The following HECTD4 variants were observed in gnomAD, a reference collection of about 807,000 sequenced individuals.
The protein encoded by HECTD4 is HECT domain E3 ubiquitin protein ligase 4.
HECTD4 carries 114 observed loss-of-function variants against 471.5 expected under a neutral mutation model. The observed-to-expected ratio is 0.24, with a 90% confidence interval of 0.21 to 0.28. The LOEUF is 0.28. Among genes scored for constraint, HECTD4 ranks in the 10% least tolerant of loss-of-function variants. HECTD4 has a pLI of 1.00. For missense variants in HECTD4, 3,866 were observed against 5,651.5 expected (o/e 0.68, Z 10.13); for synonymous variants, 2,012 against 2,256.0 (o/e 0.89, Z 3.07).
chr12:112,243,738 C>A lies in HECTD4; in HGVS notation c.4673G>T (p.Arg1558Leu). The change falls in exon 31 of 76, where the codon CGC becomes CTC. Residue 1558 changes from arginine (R) to leucine (L), a missense_variant. Around this residue, in one of 16 missense-constraint regions of HECTD4, gnomAD observed 229 missense variants for 386.4 expected, o/e 0.59. Coordinates refer to ENST00000682272, the MANE Select transcript of HECTD4 (RefSeq NM_001388303.1). The surrounding 1 kb of genome is among the most constrained non-coding windows in gnomAD (Gnocchi z 6.6). ...NQRRRHVTSH[R>L]SSSFTLLQSL... ...CTGCAGGAGTGTAAAGGAGCTGCTG[C>A]GGTGGCTGGTCACGTGGCGACGCCT... The A allele has an allele frequency of 1.2e-6, 2 of 1,613,570 alleles. No individual in the cohort carries two copies. The highest frequency in any genetic ancestry group is 1.7e-6 in the Non-Finnish European group (2 of 1,179,620).
intron 38 of HECTD4, 123 bp downstream of exon 38, chr12:112,232,881 C>T: frequency 1.3e-6 from 1 of 786,948 alleles, no homozygotes; most frequent in Non-Finnish European, 2.1e-6. Context: ...ACTTCAATTT[C>T]TCACCTTGCC....
In HECTD4 at chr12:112,243,604, G is replaced by A. The variant is rs777670915; in HGVS notation, c.4791+16C>T. The A allele has an allele frequency of 1.6e-5, 26 of 1,605,536 alleles. No homozygotes were observed. Among genetic ancestry groups the A allele is most frequent in the Middle Eastern group, 1.7e-4 (1 of 6,042 alleles). ...GTTAGGTGCTATTCATCTGGAGCCC[G>A]CAAAATGTGACGTACAGCTTGGTCA... On this transcript the variant is annotated intron_variant, in intron 31 of 75. Coordinates refer to ENST00000682272, the MANE Select transcript of HECTD4 (RefSeq NM_001388303.1). The surrounding 1 kb of genome is among the most constrained non-coding windows in gnomAD (Gnocchi z 6.6).
At chr12:112,297,274 G>A (rs537021256) in intron 7 of HECTD4, among the ~76,000 whole-genome samples, 2 of 151,134 alleles carry the variant, frequency 1.3e-5, no homozygotes, top group Non-Finnish European at 3.0e-5. Context: ...GAAGGTGTAG[G>A]TGCAGTGAAT....
intron 51 of HECTD4, 127 bp from the exon 52 acceptor site, chr12:112,208,127 C>T (rs935675539): frequency 1.8e-6 from 2 of 1,106,824 alleles, no homozygotes; most frequent in African/African-American, 3.2e-5. Flanking sequence ...AAAGATCAGA[C>T]ATAGACCCCT....
At chr12:112,370,019 T>C (rs1419699476) in intron 1 of HECTD4, among the ~76,000 whole-genome samples, 1 of 152,132 alleles carries the variant, frequency 6.6e-6, no homozygotes, top group Non-Finnish European at 1.5e-5. Flanking sequence ...GTGATTAAGT[T>C]AAAGATCTTG....
chr12:112,167,208 G>T, intron 72 of HECTD4, 109 bp downstream of exon 72: 1 of 975,522 alleles, frequency 1.0e-6, no homozygotes, highest in Non-Finnish European at 1.5e-6. Flanking sequence ...GTCCTCTGTG[G>T]GATCCCAACC....
At chr12:112,361,467 T>C (rs988702820) in intron 1 of HECTD4, among the ~76,000 whole-genome samples, 1 of 151,854 alleles carries the variant, frequency 6.6e-6, no homozygotes, top group African/African-American at 2.4e-5. Flanking sequence ...AGAGATAGGG[T>C]CTCACTACAT....
At position 112,170,339 on chromosome 12, in the gene HECTD4, C is replaced by A; in HGVS notation, c.12046G>T (p.Val4016Leu). Reference protein sequence around the residue: ...PEITLDPLEIVGGEIRASENS... With the variant: ...PEITLDPLEILGGEIRASENS... The stretch of plus-strand genomic sequence containing the variant: ...TCTCCGCAGCCAACCCCACCTCCCA[C>A]AATTTCCAGTGGGTCCAAGGTGATC... The change falls in exon 69 of 76, where the codon GTG becomes TTG. Residue 4016 changes from valine (V) to leucine (L), a missense_variant. Around this residue, in one of 16 missense-constraint regions of HECTD4, gnomAD observed 715 missense variants for 1,087.6 expected, o/e 0.66. Transcript: ENST00000682272. The A allele has an allele frequency of 8.1e-6, 13 of 1,613,952 alleles. No individual in the cohort carries two copies. The highest frequency in any genetic ancestry group is 1.1e-5 in the Non-Finnish European group (13 of 1,179,888).
Position 112,382,321 on chromosome 12 carries a change from C to G in HECTD4, c.-193G>C, listed in dbSNP as rs2036911690. 1 of 483,240 alleles carries G rather than the reference C, an allele frequency of 2.1e-6. No individual in the cohort carries two copies. The highest frequency in any genetic ancestry group is 3.2e-6 in the Non-Finnish European group (1 of 307,808). The allele number at this position is 483,240 out of a possible 1,614,324, so 29.9% of individuals were successfully genotyped here. On this transcript the variant is annotated 5_prime_UTR_variant, in exon 1 of 76. Transcript: ENST00000682272. ...CCCCCGACCCCGGCCCGGGAGACCC[C>G]GGCCCTGCCGCCGCCGCCGCCGCCG...
rs773634720 is a variant in HECTD4 at position 112,290,848 on chromosome 12, C to CAAAAAAAAAA, written c.1336-7547_1336-7546insTTTTTTTTTT. Among the ~76,000 whole-genome samples the CAAAAAAAAAA allele has an allele frequency of 3.4e-4, 29 of 86,254 alleles. 1 individual carries two copies. The highest frequency in any genetic ancestry group is 3.1e-3 in the East Asian group (3 of 968). 56.6% of individuals were successfully genotyped at this position (86,254 alleles called of 152,430 possible). The stretch of plus-strand genomic sequence containing the variant: ...GAGCAACAAGAGCGAAACTCCGTCT[C>CAAAAAAAAAA]AAAAAAAAACAAAACAAAAAAAAAA... On this transcript the variant is annotated intron_variant, in intron 7 of 75. Coordinates refer to ENST00000682272, the MANE Select transcript of HECTD4 (RefSeq NM_001388303.1).
At chr12:112,367,215 C>G (rs1189570802) in intron 1 of HECTD4, among the ~76,000 whole-genome samples, 1 of 150,732 alleles carries the variant, frequency 6.6e-6, no homozygotes, top group Non-Finnish European at 1.5e-5. Context: ...GGCAGAATCA[C>G]TTGAACCGGG....
intron 70 of HECTD4, among the ~76,000 whole-genome samples, chr12:112,168,392 G>C (rs1800901687): frequency 6.6e-6 from 1 of 152,222 alleles, no homozygotes; most frequent in Non-Finnish European, 1.5e-5. Flanking sequence ...ATGCGTGAGT[G>C]AATGGACAAA....
chr12:112,247,074 T>C lies in HECTD4; in HGVS notation c.4340A>G (p.Glu1447Gly). 6.3e-7 allele frequency: 1 copy of C among 1,599,790 alleles called. No individual in the cohort carries two copies. Among genetic ancestry groups the C allele is most frequent in the Non-Finnish European group, 8.5e-7 (1 of 1,172,552 alleles). ...AGAATTCACTTCTTGTAGGAACTTC[T>C]CCCTATAAAGAAAGACTGATGTGCA... Reference protein sequence around the residue: ...DLENMVLSLREKFLQEVNSLI... With the variant: ...DLENMVLSLRGKFLQEVNSLI... The change falls in exon 29 of 76, where the codon GAG becomes GGG. Residue 1447 changes from glutamate to glycine, a missense_variant and splice_region_variant. By Grantham distance (98) the Glu-to-Gly change is moderately conservative. Transcript: ENST00000682272.
At chr12:112,292,572 T>C (rs1489391663) in intron 7 of HECTD4, among the ~76,000 whole-genome samples, 1 of 152,190 alleles carries the variant, frequency 6.6e-6, no homozygotes, top group East Asian at 1.9e-4. Flanking sequence ...CCCTTTGTAA[T>C]GTAGGAGATG....
intron 1 of HECTD4, among the ~76,000 whole-genome samples, chr12:112,368,218 CA>C (rs1396987514): frequency 7.9e-5 from 12 of 152,286 alleles, no homozygotes; most frequent in African/African-American, 1.4e-4. Flanking sequence ...GTGTCCACTC[CA>C]AAGTGTCCCA....
Position 112,212,647 on chromosome 12 carries a change from T to C in HECTD4, c.7469A>G (p.Asp2490Gly). 6.2e-7 allele frequency: 1 copy of C among 1,610,716 alleles called. No homozygotes were observed. The change falls in exon 49 of 76, where the codon GAC becomes GGC. Residue 2490 changes from aspartate to glycine, a missense_variant. By Grantham distance (94) the Asp-to-Gly change is moderately conservative. Coordinates refer to ENST00000682272, the MANE Select transcript of HECTD4 (RefSeq NM_001388303.1). ...TCTCTCCCAGCCAATTCCTGCCACG[T>C]CACCTATAGCAGAGAACGGGAAGGA... is the stretch of plus-strand genomic sequence containing the variant. Reference protein sequence around the residue: ...VRLDVTLSPGDVAGIGWERTE... With the variant: ...VRLDVTLSPGGVAGIGWERTE...
chr12:112,219,714 C>A, intron 44 of HECTD4: 1 of 333,082 alleles, frequency 3.0e-6, no homozygotes, highest in Non-Finnish European at 5.4e-6. Flanking sequence ...ATTCTCCTGC[C>A]TTAGCCTCCC....
chr12:112,365,782 T>G (rs1162557646), intron 1 of HECTD4, among the ~76,000 whole-genome samples: 4 of 148,932 alleles, frequency 2.7e-5, no homozygotes, highest in Non-Finnish European at 4.5e-5. Flanking sequence ...GTTTTTTTTT[T>G]TTTTTTTGAG....
chr12:112,348,642 C>G (rs916030881), intron 1 of HECTD4, among the ~76,000 whole-genome samples: 1 of 152,020 alleles, frequency 6.6e-6, no homozygotes, highest in Non-Finnish European at 1.5e-5. Context: ...TGCGTATAGT[C>G]CCACCTCCTT....
Sources: allele counts gnomAD v4.1 joint callset (sites outside exome capture counted in the v4.1 genomes callset), GRCh38; gene constraint gnomAD v4.1.1; regional missense constraint gnomAD v4.1.1; non-coding constraint Gnocchi (gnomAD v3.1); transcripts MANE v1.5; gene names NCBI Gene and HGNC (gene_info 2026-07-23, HGNC 2026-07-21).